NAV2: variants seen among roughly 807,000 people sequenced by gnomAD.
NAV2 encodes helicase, APC down-regulated 1.
A neutral mutation model predicts 223.2 loss-of-function variants in NAV2; 54 were observed. The ratio of observed to expected loss-of-function variants is 0.24; its 90% CI spans 0.19 to 0.30. The LOEUF (loss-of-function observed/expected upper bound fraction) is 0.30, where lower values mean the gene tolerates loss of function less well. NAV2 is among the 10% of genes least tolerant of loss of function. NAV2 has a pLI of 1.00. For synonymous variants in NAV2, 1,279 were observed against 1,239.3 expected (o/e 1.03, Z -0.67); for missense variants, 2,806 against 3,147.5 (o/e 0.89, Z 2.60).
intron 1 of NAV2, among the ~76,000 whole-genome samples, chr11:19,513,417 C>A (rs2043341298): frequency 6.6e-6 from 1 of 152,176 alleles, no homozygotes; most frequent in African/African-American, 2.4e-5. Flanking sequence ...TGATGGCACC[C>A]TGATGTGGCT....
chr11:20,034,685 G>A (rs773892346), intron 11 of NAV2, among the ~76,000 whole-genome samples: 1 of 152,136 alleles, frequency 6.6e-6, no homozygotes, highest in Non-Finnish European at 1.5e-5. Flanking sequence ...CCCAGCCCTC[G>A]ATTAGCAAGT....
intron 2 of NAV2, among the ~76,000 whole-genome samples, 180 bp from the exon 3 acceptor site, chr11:19,842,691 G>A (rs957461022): frequency 2.0e-5 from 3 of 152,142 alleles, no homozygotes; most frequent in Non-Finnish European, 4.4e-5. Context: ...CCTGGAGGAC[G>A]GCAGCTCGAT....
At chr11:19,708,296 AG>A (rs1410545989), upstream of NAV2, among the ~76,000 whole-genome samples, 1 of 152,220 alleles carries the variant, frequency 6.6e-6, no homozygotes, top group Admixed American at 6.5e-5. Flanking sequence ...ATGTCTCATA[AG>A]TTGCCAACCC....
chr11:19,976,606 G>C (rs1423543976), intron 10 of NAV2, among the ~76,000 whole-genome samples: 1 of 152,340 alleles, frequency 6.6e-6, no homozygotes, highest in East Asian at 1.9e-4. Context: ...CCCCAGTGAG[G>C]TGTGCTCTGT....
At chr11:19,642,596 G>C (rs764438235) in intron 1 of NAV2, among the ~76,000 whole-genome samples, 1 of 152,120 alleles carries the variant, frequency 6.6e-6, no homozygotes, top group African/African-American at 2.4e-5. Context: ...GTGCCAAGGC[G>C]CTGTACATGG....
intron 12 of NAV2, 197 bp from the exon 13 acceptor site, chr11:20,043,784 C>G (rs2057178584): frequency 3.5e-6 from 2 of 565,422 alleles, no homozygotes; most frequent in Admixed American, 6.1e-5. Flanking sequence ...ATATTATTTA[C>G]TTTTTTATTT....
intron 1 of NAV2, chr11:19,503,783 T>C (rs1233072011): frequency 6.6e-6 from 1 of 152,190 alleles, no homozygotes; most frequent in Admixed American, 6.5e-5. Context: ...TGTATGGACA[T>C]AATTTTCAAG....
chr11:19,911,031 ATTT>A (rs996900212), intron 6 of NAV2, among the ~76,000 whole-genome samples: 105 of 123,358 alleles, frequency 8.5e-4, no homozygotes, highest in African/African-American at 2.8e-3. Context: ...TTGCAAGCAC[ATTT>A]TTTTTTTTTT....
chr11:19,934,931 G>C (rs982678071), intron 7 of NAV2, among the ~76,000 whole-genome samples: 1 of 152,262 alleles, frequency 6.6e-6, no homozygotes, highest in East Asian at 1.9e-4. Context: ...CTGTCTCTTT[G>C]ATGGCACATC....
intron 1 of NAV2, among the ~76,000 whole-genome samples, chr11:19,822,857 A>G (rs1055039178): frequency 6.6e-6 from 1 of 152,216 alleles, no homozygotes; most frequent in African/African-American, 2.4e-5. Flanking sequence ...GAACCCATTC[A>G]CATCTCAGTG....
intron 1 of NAV2, among the ~76,000 whole-genome samples, chr11:19,633,533 C>A (rs1003519432): frequency 1.3e-5 from 2 of 152,252 alleles, no homozygotes; most frequent in Non-Finnish European, 2.9e-5. Flanking sequence ...ATCAGGGGAA[C>A]CTGACCCAAC....
chr11:19,713,347 G>A lies in NAV2; in HGVS notation c.-349G>A. On this transcript the variant is annotated 5_prime_UTR_variant, in exon 1 of 38. Coordinates refer to ENST00000349880, the MANE Select transcript of NAV2 (RefSeq NM_145117.5). This position sits in a 1 kb window ranked among gnomAD's most constrained non-coding sequence, Gnocchi z 7.2. ...GATGCAGTGACAAGTTAATATGGGC[G>A]TCCAAGCCTCTGTTTCCCAGGAGGA... The A allele has an allele frequency of 8.9e-7, 1 of 1,125,384 alleles. No homozygotes were observed. Among genetic ancestry groups the A allele is most frequent in the Non-Finnish European group, 1.1e-6 (1 of 921,484 alleles). The allele number at this position is 1,125,384 out of a possible 1,614,324, so 69.7% of individuals were successfully genotyped here.
chr11:19,734,868 C>T (rs2052141943), intron 1 of NAV2, among the ~76,000 whole-genome samples: 1 of 152,162 alleles, frequency 6.6e-6, no homozygotes, highest in East Asian at 1.9e-4. Flanking sequence ...AGCCTATGAG[C>T]CTCCACTCAG....
chr11:19,506,860 T>C (rs548528466), intron 1 of NAV2: 8 of 152,294 alleles, frequency 5.3e-5, no homozygotes, highest in African/African-American at 1.4e-4. Flanking sequence ...TAAATGGACA[T>C]GTGGAGCCCC....
intron 1 of NAV2, among the ~76,000 whole-genome samples, chr11:19,698,687 T>C (rs2049418730): frequency 6.6e-6 from 1 of 152,190 alleles, no homozygotes; most frequent in Admixed American, 6.5e-5. Flanking sequence ...TAAGCTGTCA[T>C]TCCAAAGTGC....
At chr11:19,971,506 G>GC (rs922040450) in intron 10 of NAV2, among the ~76,000 whole-genome samples, 8 of 152,002 alleles carry the variant, frequency 5.3e-5, no homozygotes, top group African/African-American at 9.7e-5. Context: ...GCATGGGTGG[G>GC]CCCCCCGGTA....
chr11:20,103,774 A>G (rs1200376482), intron 34 of NAV2, 50 bp downstream of exon 34: 1 of 1,551,304 alleles, frequency 6.4e-7, no homozygotes, highest in Admixed American at 1.7e-5. Flanking sequence ...CACAAAGAAG[A>G]AAAGCAAGAA....
chr11:20,044,254 C>G lies in NAV2; in HGVS notation c.3181C>G (p.Leu1061Val). ...GAAGCCTTCAGCCCCGGCAGGCGCA[C>G]TGAAGACCCCAGGAACTGGTAAGAG... is the stretch of plus-strand genomic sequence containing the variant. ...RTKPSAPAGA[L>V]KTPGTGKTDD... Residue 1061 changes from leucine (L) to valine (V), a missense_variant, in exon 13 of 38, where the codon CTG becomes GTG. Physicochemically the swap from Leu to Val is conservative, Grantham distance 32. This residue lies in a region of NAV2 where 742 missense variants were observed against 777.9 expected (regional missense o/e 0.95). Coordinates refer to ENST00000349880, the MANE Select transcript of NAV2 (RefSeq NM_145117.5). 1 of 1,611,452 alleles carries G rather than the reference C, an allele frequency of 6.2e-7. No homozygotes were observed. The highest frequency in any genetic ancestry group is 8.5e-7 in the Non-Finnish European group (1 of 1,177,980).
At chr11:19,529,877 C>A (rs922217883) in intron 1 of NAV2, among the ~76,000 whole-genome samples, 2 of 152,164 alleles carry the variant, frequency 1.3e-5, no homozygotes, top group African/African-American at 4.8e-5. Context: ...GAGTGGAACA[C>A]AAAGCGTCAT....
Sources: gnomAD v4.1 joint callset for allele counts (sites outside exome capture counted in the v4.1 genomes callset) on GRCh38, gnomAD v4.1.1 for gene constraint, gnomAD v4.1.1 regional missense constraint, Gnocchi (gnomAD v3.1) non-coding constraint, MANE v1.5 for transcripts, NCBI Gene and HGNC (gene_info 2026-07-23, HGNC 2026-07-21) for gene names.